The following KCNAB1 variants were observed in gnomAD, a reference collection of about 807,000 sequenced individuals.
The protein encoded by KCNAB1 is voltage-gated potassium channel subunit beta-1.
KCNAB1 carries 35 observed loss-of-function variants against 64.6 expected under a neutral mutation model. The observed-to-expected ratio is 0.54, with a 90% CI of 0.41 to 0.72. The LOEUF is 0.72. Among genes scored for constraint, KCNAB1 ranks in the 30% least tolerant of loss-of-function variants. KCNAB1 has a pLI of 0.00. For missense variants in KCNAB1, 401 were observed against 512.9 expected (o/e 0.78, Z 2.11); for synonymous variants, 177 against 183.8 (o/e 0.96, Z 0.30).
chr3:156,366,834 C>A (rs985250717), intron 1 of KCNAB1, among the ~76,000 whole-genome samples: 13 of 152,206 alleles, frequency 8.5e-5, no homozygotes, highest in African/African-American at 3.1e-4. Flanking sequence ...AGTGACCTGT[C>A]ACGCAGTTAT....
chr3:156,123,769 A>G (rs6788449), intron 1 of KCNAB1, among the ~76,000 whole-genome samples: 91,526 of 152,062 alleles, frequency 0.6, 27,996 homozygotes, highest in Admixed American at 0.73. Context: ...TGAAGGCAAA[A>G]GATTGGCTTT....
chr3:156,209,398 C>T (rs544477233), intron 1 of KCNAB1, among the ~76,000 whole-genome samples: 2 of 152,270 alleles, frequency 1.3e-5, no homozygotes, highest in South Asian at 4.1e-4. Flanking sequence ...GGGAAAAGGT[C>T]ATGAAAGGGC....
chr3:156,401,143 T>A (rs1316514696), intron 1 of KCNAB1, among the ~76,000 whole-genome samples: 2 of 152,250 alleles, frequency 1.3e-5, no homozygotes, highest in East Asian at 3.8e-4. Context: ...TAGTCACCAC[T>A]TCTTTATAAA....
intron 1 of KCNAB1, among the ~76,000 whole-genome samples, chr3:156,220,844 T>C (rs918088018): frequency 1.3e-5 from 2 of 152,232 alleles, no homozygotes; most frequent in Non-Finnish European, 1.5e-5. Context: ...GTTTTTATGG[T>C]GTGAGGTCTT....
In KCNAB1 at chr3:156,289,516, T is replaced by C. The variant is rs150136422; in HGVS notation, c.276-132100T>C. Among the ~76,000 whole-genome samples the C allele has an allele frequency of 6.6e-4, 101 of 152,312 alleles. 1 individual carries two copies. The highest frequency in any genetic ancestry group is 1.9e-3 in the African/African-American group (78 of 41,564). Reference sequence around the variant, plus strand: ...GATCTGGCTTCCTCTCTGCCCACTGTTGTTTATCCAGGGAGTAAAGACATG... The same window carrying C: ...GATCTGGCTTCCTCTCTGCCCACTGCTGTTTATCCAGGGAGTAAAGACATG... On this transcript the variant is annotated intron_variant, in intron 1 of 13. Transcript: ENST00000490337.
chr3:156,157,968 C>A (rs1029705806), intron 1 of KCNAB1, among the ~76,000 whole-genome samples: 3 of 151,792 alleles, frequency 2.0e-5, no homozygotes, highest in African/African-American at 7.3e-5. Flanking sequence ...TTGAGACCAT[C>A]TTGGCTAACA....
intron 11 of KCNAB1, among the ~76,000 whole-genome samples, chr3:156,523,350 C>T (rs1576973926): frequency 6.6e-6 from 1 of 152,036 alleles, no homozygotes; most frequent in Admixed American, 6.5e-5. Flanking sequence ...ATTGAAAGCA[C>T]GGGGGAGAAA....
chr3:156,474,546 G>A (rs1021556978), intron 7 of KCNAB1, 188 bp from the exon 8 acceptor site: 1 of 423,794 alleles, frequency 2.4e-6, no homozygotes, highest in Admixed American at 3.8e-5. Flanking sequence ...TTTTTTTATT[G>A]GGGGAAGTCA....
At chr3:156,413,727 C>A (rs1445303018) in intron 1 of KCNAB1, among the ~76,000 whole-genome samples, 2 of 152,354 alleles carry the variant, frequency 1.3e-5, no homozygotes, top group East Asian at 3.9e-4. Context: ...TTATCCACAG[C>A]AAAGCGATAG....
At chr3:156,229,859 G>A (rs924000098) in intron 1 of KCNAB1, among the ~76,000 whole-genome samples, 12 of 147,168 alleles carry the variant, frequency 8.2e-5, no homozygotes, top group African/African-American at 3.0e-4. Context: ...AATTTAAAAA[G>A]TTTTTTTTTT....
chr3:156,219,680 G>C (rs565630816), intron 1 of KCNAB1, among the ~76,000 whole-genome samples: 1 of 150,440 alleles, frequency 6.6e-6, no homozygotes, highest in African/African-American at 2.4e-5. Context: ...AGTCAAAAGC[G>C]AAGGAAGGAA....
intron 1 of KCNAB1, among the ~76,000 whole-genome samples, chr3:156,281,075 C>A (rs1180862709): frequency 6.6e-6 from 1 of 151,600 alleles, no homozygotes; most frequent in Non-Finnish European, 1.5e-5. Flanking sequence ...AGTTTTTGCC[C>A]ATTCAGTATG....
At chr3:156,146,329 A>G (rs1419097306) in intron 1 of KCNAB1, among the ~76,000 whole-genome samples, 11 of 152,142 alleles carry the variant, frequency 7.2e-5, no homozygotes, top group Admixed American at 7.2e-4. Context: ...GTTACCTAAG[A>G]GGGTCTTCAG....
chr3:156,367,440 C>G (rs1051055505), intron 1 of KCNAB1, among the ~76,000 whole-genome samples: 1 of 152,076 alleles, frequency 6.6e-6, no homozygotes, highest in Non-Finnish European at 1.5e-5. Flanking sequence ...CTCGGCCTCC[C>G]AAAGTGCTGG....
chr3:156,453,020 G>T, intron 3 of KCNAB1, 84 bp downstream of exon 3: 1 of 845,002 alleles, frequency 1.2e-6, no homozygotes, highest in South Asian at 1.6e-5. Flanking sequence ...CTGGGACCCT[G>T]ACACTCTACA....
In KCNAB1 at chr3:156,252,882, T is replaced by C. The variant is rs575898064; in HGVS notation, c.275+131996T>C. Reference sequence around the variant, plus strand: ...TACTGGGCTGTGTGAACAAGAAAGCTCACTCATCAGCAATTTCACCTCTGA... The same window carrying C: ...TACTGGGCTGTGTGAACAAGAAAGCCCACTCATCAGCAATTTCACCTCTGA... On this transcript the variant is annotated intron_variant, in intron 1 of 13. Transcript: ENST00000490337. 3.4e-4 allele frequency among the ~76,000 whole-genome samples: 52 copies of C among 152,352 alleles called. No homozygotes were observed. The South Asian group carries it at 0.011, about 31-fold the overall frequency.
At chr3:156,172,051 T>G (rs1485624140) in intron 1 of KCNAB1, among the ~76,000 whole-genome samples, 1 of 152,210 alleles carries the variant, frequency 6.6e-6, no homozygotes, top group Non-Finnish European at 1.5e-5. Context: ...TTTCTTGGCA[T>G]TATGCCAAGA....
At chr3:156,524,845 C>T (rs1283570395) in intron 12 of KCNAB1, among the ~76,000 whole-genome samples, 2 of 150,648 alleles carry the variant, frequency 1.3e-5, no homozygotes, top group East Asian at 3.9e-4. Flanking sequence ...ATGGGTGTCT[C>T]AGTCAACGAC....
intron 1 of KCNAB1, among the ~76,000 whole-genome samples, chr3:156,406,021 G>A (rs1294440913): frequency 1.3e-5 from 2 of 152,094 alleles, no homozygotes; most frequent in Non-Finnish European, 2.9e-5. Flanking sequence ...AGAGTTATGG[G>A]ACAGTGTATA....
Sources: allele counts gnomAD v4.1 joint callset (sites outside exome capture counted in the v4.1 genomes callset), GRCh38; gene constraint gnomAD v4.1.1; transcripts MANE v1.5; gene names NCBI Gene and HGNC (gene_info 2026-07-23, HGNC 2026-07-21).